The following NPSR1 variants were observed in gnomAD, a reference collection of about 807,000 sequenced individuals.
The protein encoded by NPSR1 is neuropeptide S receptor.
In NPSR1, 48 loss-of-function variants were observed where a neutral mutation model predicts 46.9. The ratio of observed to expected loss-of-function variants is 1.02; its 90% CI spans 0.81 to 1.30. The LOEUF (loss-of-function observed/expected upper bound fraction) is 1.30, where lower values mean the gene tolerates loss of function less well. NPSR1 is among the 50% of genes most tolerant of loss of function. The pLI is 0.00. For synonymous variants in NPSR1, 176 were observed against 168.1 expected (o/e 1.05, Z -0.36); for missense variants, 450 against 449.5 (o/e 1.00, Z -0.01).
chr7:34,662,898 A>G (rs1791526639), intron 1 of NPSR1, among the ~76,000 whole-genome samples: 1 of 152,152 alleles, frequency 6.6e-6, no homozygotes, highest in African/African-American at 2.4e-5. Flanking sequence ...TGCATTACTA[A>G]TACATTTGAT....
At chr7:34,671,817 G>A (rs536062116) in intron 1 of NPSR1, among the ~76,000 whole-genome samples, 1 of 152,080 alleles carries the variant, frequency 6.6e-6, no homozygotes, top group South Asian at 2.1e-4. Flanking sequence ...GCATGTGTTC[G>A]CTCCTCCTGG....
intron 2 of NPSR1, among the ~76,000 whole-genome samples, chr7:34,774,458 G>A (rs551615657): frequency 2.0e-5 from 3 of 152,328 alleles, no homozygotes; most frequent in Admixed American, 2.0e-4. Context: ...ACGTCTGAGT[G>A]TATGACTTAG....
intron 2 of NPSR1, among the ~76,000 whole-genome samples, chr7:34,720,873 A>G (rs1783822123): frequency 6.6e-6 from 1 of 152,144 alleles, no homozygotes; most frequent in Admixed American, 6.5e-5. Flanking sequence ...TCTGGATACT[A>G]TTTTTGAGAA....
intron 6 of NPSR1, among the ~76,000 whole-genome samples, chr7:34,836,504 AC>A (rs552956545): frequency 4.5e-4 from 68 of 152,190 alleles, no homozygotes; most frequent in Non-Finnish European, 8.5e-4. Context: ...CCATATGGAA[AC>A]AATCATATAT....
At chr7:34,770,180 A>T (rs1253665902) in intron 2 of NPSR1, among the ~76,000 whole-genome samples, 1 of 152,164 alleles carries the variant, frequency 6.6e-6, no homozygotes, top group Admixed American at 6.5e-5. Context: ...TCCGTTTTTT[A>T]AAATTAAGGA....
chr7:34,826,992 G>A (rs1789886433), intron 4 of NPSR1, among the ~76,000 whole-genome samples: 1 of 152,132 alleles, frequency 6.6e-6, no homozygotes, highest in South Asian at 2.1e-4. Context: ...ATGCCACGTG[G>A]ACCAAAGGCT....
intron 2 of NPSR1, among the ~76,000 whole-genome samples, chr7:34,700,394 C>T (rs1377351517): frequency 6.6e-6 from 1 of 152,160 alleles, no homozygotes; most frequent in Admixed American, 6.5e-5. Flanking sequence ...TTGTGTTTAC[C>T]ATGCACCAGG....
chr7:34,868,896 G>A (rs1325359896), intron 8 of NPSR1, among the ~76,000 whole-genome samples: 2 of 151,570 alleles, frequency 1.3e-5, no homozygotes, highest in African/African-American at 4.9e-5. Flanking sequence ...CCTGAATCAG[G>A]GTGGCCCGGG....
At chr7:34,807,895 C>A (rs1029214090) in intron 3 of NPSR1, among the ~76,000 whole-genome samples, 2 of 151,784 alleles carry the variant, frequency 1.3e-5, no homozygotes, top group African/African-American at 4.8e-5. Context: ...CCCTACCCCC[C>A]ACCACCACCA....
At chr7:34,726,196 A>G (rs1444187747) in intron 2 of NPSR1, among the ~76,000 whole-genome samples, 1 of 152,228 alleles carries the variant, frequency 6.6e-6, no homozygotes. Flanking sequence ...AAAAATGGGT[A>G]AAAGACTTGA....
At chr7:34,803,627 T>C (rs1490890369) in intron 3 of NPSR1, among the ~76,000 whole-genome samples, 1 of 151,746 alleles carries the variant, frequency 6.6e-6, no homozygotes, top group East Asian at 1.9e-4. Flanking sequence ...AAATGACAAG[T>C]TAGTGGGTGC....
chr7:34,823,277 C>T (rs760064673), intron 4 of NPSR1, among the ~76,000 whole-genome samples: 29 of 151,648 alleles, frequency 1.9e-4, no homozygotes, highest in Non-Finnish European at 3.1e-4. Context: ...CCTGTAATCC[C>T]GCTACTCAAG....
intron 2 of NPSR1, among the ~76,000 whole-genome samples, chr7:34,775,266 T>C (rs1786900357): frequency 6.6e-6 from 1 of 152,202 alleles, no homozygotes; most frequent in South Asian, 2.1e-4. Flanking sequence ...AGAAAACGAA[T>C]ATTATTGTCT....
At chr7:34,667,940 T>C (rs1228431267) in intron 1 of NPSR1, among the ~76,000 whole-genome samples, 1 of 152,102 alleles carries the variant, frequency 6.6e-6, no homozygotes, top group Non-Finnish European at 1.5e-5. Flanking sequence ...GTAAAAGAGT[T>C]CTGAGTTCCA....
At chr7:34,740,028 G>C (rs1277713048) in intron 2 of NPSR1, among the ~76,000 whole-genome samples, 2 of 152,016 alleles carry the variant, frequency 1.3e-5, no homozygotes, top group East Asian at 3.9e-4. Context: ...CATTAGTTGG[G>C]GACAGGGCTA....
chr7:34,775,599 AT>A (rs1471870300), intron 2 of NPSR1, among the ~76,000 whole-genome samples: 3 of 151,958 alleles, frequency 2.0e-5, no homozygotes, highest in African/African-American at 4.8e-5. Context: ...TTTATTTACA[AT>A]TTATTTATTT....
intron 8 of NPSR1, among the ~76,000 whole-genome samples, chr7:34,868,307 A>C (rs1239442956): frequency 2.6e-5 from 4 of 151,602 alleles, no homozygotes; most frequent in African/African-American, 9.8e-5. Context: ...CCCACTCTGC[A>C]CCACACAACA....
At chr7:34,763,943 C>T (rs758879150) in intron 2 of NPSR1, among the ~76,000 whole-genome samples, 1 of 152,158 alleles carries the variant, frequency 6.6e-6, no homozygotes, top group Non-Finnish European at 1.5e-5. Context: ...TGCAATAGAA[C>T]TAAGCTCAGG....
intron 3 of NPSR1, among the ~76,000 whole-genome samples, chr7:34,792,683 A>T (rs1787963335): frequency 8.4e-6 from 1 of 119,420 alleles, no homozygotes; most frequent in Non-Finnish European, 1.7e-5. Context: ...ATGTATATAT[A>T]TATATGTATA....
Sources: allele counts gnomAD v4.1 joint callset (sites outside exome capture counted in the v4.1 genomes callset), GRCh38; gene constraint gnomAD v4.1.1; transcripts MANE v1.5; gene names NCBI Gene and HGNC (gene_info 2026-07-23, HGNC 2026-07-21).